The following ATP6V1H variants were observed in gnomAD, a reference collection of about 807,000 sequenced individuals.
ATP6V1H encodes the protein ATPase H+ transporting V1 subunit H.
Under a neutral mutation model 71.7 loss-of-function variants are expected in ATP6V1H, and 39 were observed. The observed-to-expected ratio is 0.54, with a 90% CI of 0.42 to 0.71. ATP6V1H has a LOEUF of 0.71. Ranked by LOEUF, ATP6V1H falls within the 30% of genes least tolerant of loss-of-function variation. The pLI is 0.00. For missense variants in ATP6V1H, 509 were observed against 594.9 expected (o/e 0.86, Z 1.50); for synonymous variants, 192 against 199.3 (o/e 0.96, Z 0.31).
chr8:53,826,806 A>G (rs1376570135), intron 4 of ATP6V1H, among the ~76,000 whole-genome samples: 1 of 151,780 alleles, frequency 6.6e-6, no homozygotes, highest in Non-Finnish European at 1.5e-5. Flanking sequence ...TATAAAAATT[A>G]GCCAGGAATG....
chr8:53,829,604 C>T (rs1395711718), intron 3 of ATP6V1H, 71 bp from the exon 4 acceptor site: 18 of 911,550 alleles, frequency 2.0e-5, no homozygotes, highest in Non-Finnish European at 3.0e-5. Context: ...TTCAGTAAAA[C>T]ATTGTCTCTC....
At chr8:53,830,473 G>A in intron 3 of ATP6V1H, among the ~76,000 whole-genome samples, 1 of 151,918 alleles carries the variant, frequency 6.6e-6, no homozygotes, top group East Asian at 1.9e-4. Context: ...CATACTGAAT[G>A]TAAACAGTTA....
chr8:53,801,472 T>C (rs981911339), intron 8 of ATP6V1H, among the ~76,000 whole-genome samples: 1 of 152,200 alleles, frequency 6.6e-6, no homozygotes, highest in African/African-American at 2.4e-5. Context: ...ATATTCACTC[T>C]TTCCTGGGTA....
intron 12 of ATP6V1H, 178 bp downstream of exon 12, chr8:53,756,377 C>A (rs183352593): frequency 4.7e-6 from 2 of 425,154 alleles, no homozygotes; most frequent in Middle Eastern, 5.5e-4. Context: ...CCACTGCAAC[C>A]GGCCTATACT....
chr8:53,755,722 ATATATATATATATATATATATATTTT>A (rs1808017435), intron 12 of ATP6V1H, among the ~76,000 whole-genome samples: 12 of 5,774 alleles, frequency 2.1e-3, no homozygotes, highest in African/African-American at 0.011. Flanking sequence ...ATATATATAT[ATATATATATATATATATATATATTTT>A]TTTTTTTTTT....
chr8:53,797,671 T>C (rs6984257), intron 8 of ATP6V1H, among the ~76,000 whole-genome samples: 17,619 of 152,078 alleles, frequency 0.12, 1,461 homozygotes, highest in East Asian at 0.37. Flanking sequence ...ACTACCTTTC[T>C]GACACTCAAG....
At chr8:53,754,696 GAAGTATA>G (rs1807929873) in intron 12 of ATP6V1H, among the ~76,000 whole-genome samples, 1 of 152,220 alleles carries the variant, frequency 6.6e-6, no homozygotes, top group South Asian at 2.1e-4. Flanking sequence ...TGGCTTCCAT[GAAGTATA>G]ATACCAGGGT....
chr8:53,734,576 A>C (rs1807131732), intron 13 of ATP6V1H, among the ~76,000 whole-genome samples: 1 of 152,314 alleles, frequency 6.6e-6, no homozygotes, highest in African/African-American at 2.4e-5. Flanking sequence ...GCATTATACA[A>C]GGAAAAAGGC....
At chr8:53,758,621 A>G (rs912955769) in intron 11 of ATP6V1H, among the ~76,000 whole-genome samples, 8 of 152,238 alleles carry the variant, frequency 5.3e-5, no homozygotes, top group African/African-American at 1.7e-4. Flanking sequence ...ATTCAAGGCA[A>G]GTTGAATCTA....
intron 1 of ATP6V1H, chr8:53,842,530 GA>G (rs1243866793): frequency 3.9e-5 from 6 of 152,188 alleles, no homozygotes; most frequent in African/African-American, 1.4e-4. Context: ...GGTTTCCAAC[GA>G]TCTTAATCAA....
At chr8:53,756,775 C>T (rs1257902951) in intron 11 of ATP6V1H, 119 bp from the exon 12 acceptor site, 2 of 613,722 alleles carry the variant, frequency 3.3e-6, no homozygotes, top group Non-Finnish European at 5.4e-6. Flanking sequence ...TATTCATATT[C>T]TTCTAAGGAT....
chr8:53,758,102 T>C (rs1808137897), intron 11 of ATP6V1H, among the ~76,000 whole-genome samples: 3 of 152,242 alleles, frequency 2.0e-5, no homozygotes, highest in Admixed American at 1.3e-4. Flanking sequence ...CAGTTTTTCA[T>C]ATATCTATTA....
chr8:53,805,880 C>T (rs1290395233), intron 7 of ATP6V1H, among the ~76,000 whole-genome samples: 1 of 152,094 alleles, frequency 6.6e-6, no homozygotes, highest in East Asian at 1.9e-4. Context: ...AGCTCAGACA[C>T]ATAAGAATTT....
intron 8 of ATP6V1H, among the ~76,000 whole-genome samples, chr8:53,801,123 A>G (rs1006260282): frequency 3.3e-5 from 5 of 152,228 alleles, no homozygotes; most frequent in Admixed American, 3.3e-4. Flanking sequence ...CTTCACAGGT[A>G]TATCCTACAC....
intron 9 of ATP6V1H, among the ~76,000 whole-genome samples, chr8:53,791,423 C>A (rs1349453938): frequency 6.6e-6 from 1 of 152,168 alleles, no homozygotes; most frequent in Non-Finnish European, 1.5e-5. Flanking sequence ...GATCCATTCA[C>A]AGAACAAGTC....
chr8:53,726,696 G>C (rs1806824367), intron 13 of ATP6V1H, among the ~76,000 whole-genome samples: 1 of 152,208 alleles, frequency 6.6e-6, no homozygotes, highest in Non-Finnish European at 1.5e-5. Context: ...CTGTAGAGAT[G>C]TGTAAAGATT....
At position 53,817,686 on chromosome 8, in the gene ATP6V1H, G is replaced by A. The variant is rs565004545; in HGVS notation, c.307-156C>T. Among the ~76,000 whole-genome samples, 27 of 152,204 alleles carry A rather than the reference G, an allele frequency of 1.8e-4. No homozygotes were observed. In the South Asian group the frequency reaches 3.7e-3, roughly 21 times the overall value. ...TGTCATTATTACTACGGGGCAGGGG[G>A]TAGGGATGGTAGTAGGCACAGATAT... is the stretch of plus-strand genomic sequence containing the variant. On this transcript the variant is annotated intron_variant, in intron 4 of 13. Coordinates refer to ENST00000359530, the MANE Select transcript of ATP6V1H (RefSeq NM_015941.4).
In ATP6V1H at chr8:53,830,385, C is replaced by A. The variant is rs147723763; in HGVS notation, c.217-852G>T. On this transcript the variant is annotated intron_variant, in intron 3 of 13. Transcript: ENST00000359530. ...AAACCATGCTATAAAAAAATGGAGA[C>A]CTTATCAAAATCATACTTATCCTAG... is the stretch of plus-strand genomic sequence containing the variant. 2.3e-3 allele frequency among the ~76,000 whole-genome samples: 343 copies of A among 152,204 alleles called. 2 individuals are homozygous for A. The highest frequency in any genetic ancestry group is 7.9e-3 in the African/African-American group (326 of 41,520).
At chr8:53,774,849 T>C (rs1416184877) in intron 9 of ATP6V1H, among the ~76,000 whole-genome samples, 1 of 151,940 alleles carries the variant, frequency 6.6e-6, no homozygotes, top group African/African-American at 2.4e-5. Context: ...CAATTCAGAG[T>C]GACTACAGCG....
Sources: gnomAD v4.1 joint callset for allele counts (sites outside exome capture counted in the v4.1 genomes callset) on GRCh38, gnomAD v4.1.1 for gene constraint, MANE v1.5 for transcripts, NCBI Gene and HGNC (gene_info 2026-07-23, HGNC 2026-07-21) for gene names.